Variants in PHACTR2 observed in about 807,000 individuals in gnomAD.
PHACTR2 encodes the protein phosphatase and actin regulator 2.
Under a neutral mutation model 76.0 loss-of-function variants are expected in PHACTR2, and 30 were observed. That is an observed-to-expected ratio of 0.39 (90% CI 0.30 to 0.54). The LOEUF (loss-of-function observed/expected upper bound fraction) is 0.54, where lower values mean the gene tolerates loss of function less well. PHACTR2 is among the 20% of genes least tolerant of loss of function. The pLI, the probability that PHACTR2 is intolerant of heterozygous loss-of-function variation, is 0.61. For missense variants in PHACTR2, 696 were observed against 781.1 expected (o/e 0.89, Z 1.30); for synonymous variants, 292 against 292.5 (o/e 1.00, Z 0.02).
chr6:143,564,461 T>C (rs1775334182), intron 1 of PHACTR2, among the ~76,000 whole-genome samples: 1 of 151,782 alleles, frequency 6.6e-6, no homozygotes, highest in Non-Finnish European at 1.5e-5. Flanking sequence ...TGGATTGGAG[T>C]CTGCTGTTAT....
rs10675688 is a variant in PHACTR2, at chr6:143,719,813, C to CTTTTT, written c.214+7645_214+7649dup. On this transcript the variant is annotated intron_variant, in intron 2 of 12. Coordinates refer to ENST00000440869, the MANE Select transcript of PHACTR2 (RefSeq NM_001100164.2). Reference sequence around the variant, plus strand: ...AGGGCTTCTTGCTTTGTGTTCGACACTTTTTTTTTTTTTTTTTTTGAGACA... The same window carrying CTTTTT: ...AGGGCTTCTTGCTTTGTGTTCGACACTTTTTTTTTTTTTTTTTTTTTTTTGAGACA... Among the ~76,000 whole-genome samples the CTTTTT allele has an allele frequency of 5.4e-4, 51 of 94,812 alleles. 3 individuals are homozygous for CTTTTT. The highest frequency in any genetic ancestry group is 6.2e-4 in the East Asian group (2 of 3,206). 62.2% of individuals were successfully genotyped at this position (94,812 alleles called of 152,430 possible).
At position 143,789,800 on chromosome 6, in the gene PHACTR2, A is replaced by G. The variant is rs1261477473; in HGVS notation, c.1845+890A>G. 6.6e-6 allele frequency among the ~76,000 whole-genome samples: 1 copy of G among 152,234 alleles called. No individual in the cohort carries two copies. The highest frequency in any genetic ancestry group is 2.4e-5 in the African/African-American group (1 of 41,460). On this transcript the variant is annotated intron_variant, in intron 11 of 12. Coordinates refer to ENST00000440869, the MANE Select transcript of PHACTR2 (RefSeq NM_001100164.2). The surrounding 1 kb of genome is among the most constrained non-coding windows in gnomAD (Gnocchi z 5.1). ...TATTTAAAATACCTGCTATGCATCA[A>G]GCATATACTGGAGATACAGATTCAG...
At chr6:143,574,473 A>C (rs9496676) in intron 1 of PHACTR2, among the ~76,000 whole-genome samples, 2 of 151,908 alleles carry the variant, frequency 1.3e-5, no homozygotes, top group Non-Finnish European at 2.9e-5. Flanking sequence ...AAGTGGGTTC[A>C]ATGTCTCTCA....
At chr6:143,744,125 T>C (rs9403528) in intron 2 of PHACTR2, among the ~76,000 whole-genome samples, 61,054 of 152,002 alleles carry the variant, frequency 0.4, 12,872 homozygotes, top group Non-Finnish European at 0.48. Flanking sequence ...AGCTCCCTTC[T>C]TCAGTGCATA....
rs2076505481 is a variant in PHACTR2 at position 143,821,580 on chromosome 6, A to C, written c.1923-2094A>C. Among the ~76,000 whole-genome samples the C allele has an allele frequency of 6.6e-6, 1 of 152,248 alleles. No individual in the cohort carries two copies. The highest frequency in any genetic ancestry group is 1.5e-5 in the Non-Finnish European group (1 of 68,046). ...TGTAAGCAATAACTGGCATAAGCCAAAGGTTATGGGAACACAGGAAAGAGA... is the reference window on the plus strand; with the variant it reads ...TGTAAGCAATAACTGGCATAAGCCACAGGTTATGGGAACACAGGAAAGAGA... On this transcript the variant is annotated intron_variant, in intron 12 of 12. Coordinates refer to ENST00000440869, the MANE Select transcript of PHACTR2 (RefSeq NM_001100164.2). This position sits in a 1 kb window ranked among gnomAD's most constrained non-coding sequence, Gnocchi z 5.2.
At position 143,695,635 on chromosome 6, in the gene PHACTR2, C is replaced by A. The variant is rs929075276; in HGVS notation, c.47-16381C>A. 6.6e-6 allele frequency among the ~76,000 whole-genome samples: 1 copy of A among 152,198 alleles called. No homozygotes were observed. Among genetic ancestry groups the A allele is most frequent in the Non-Finnish European group, 1.5e-5 (1 of 68,034 alleles). ...CTTTAAAAGGGAAGGGCAGAATAAA[C>A]AGAGGGCCCTTTGATAATGATTTCT... On this transcript the variant is annotated intron_variant, in intron 1 of 12. Coordinates refer to ENST00000440869, the MANE Select transcript of PHACTR2 (RefSeq NM_001100164.2). This position sits in a 1 kb window ranked among gnomAD's most constrained non-coding sequence, Gnocchi z 4.4.
intron 1 of PHACTR2, among the ~76,000 whole-genome samples, chr6:143,670,621 C>T (rs866670681): frequency 3.3e-5 from 5 of 152,046 alleles, no homozygotes; most frequent in African/African-American, 2.4e-5. Flanking sequence ...ATCCTTTCTT[C>T]TGCCTGATCA....
In PHACTR2 at chr6:143,625,499, AT is replaced by A. The variant is rs1776242146; in HGVS notation, c.13+17179del. Among the ~76,000 whole-genome samples the A allele has an allele frequency of 6.6e-6, 1 of 152,244 alleles. No individual in the cohort carries two copies. Among genetic ancestry groups the A allele is most frequent in the Non-Finnish European group, 1.5e-5 (1 of 68,034 alleles). Reference sequence around the variant, plus strand: ...AACATCAAAAAGGATAATAAATATTATTGATAACTTATCGAATAGGTAATTG... The same window carrying A: ...AACATCAAAAAGGATAATAAATATTATGATAACTTATCGAATAGGTAATTG... On this transcript the variant is annotated intron_variant, in intron 1 of 11. Transcript: ENST00000305766. The surrounding 1 kb of genome is among the most constrained non-coding windows in gnomAD (Gnocchi z 4.3).
intron 2 of PHACTR2, among the ~76,000 whole-genome samples, chr6:143,719,349 CTTTTTTTTTTTT>C (rs34643788): frequency 2.3e-5 from 2 of 86,916 alleles, no homozygotes; most frequent in African/African-American, 1.0e-4. Context: ...TTCGACACTT[CTTTTTTTTTTTT>C]TTTTTTTTTG....
In PHACTR2 at chr6:143,772,555, G is replaced by T. The variant is rs771707782; in HGVS notation, c.1432+98G>T. ...AAGCCTCATTAGGAACCAGACATCT[G>T]ATGTTTTCTTTCCCCTCATCCTCCT... On this transcript the variant is annotated intron_variant, in intron 7 of 12. Coordinates refer to ENST00000440869, the MANE Select transcript of PHACTR2 (RefSeq NM_001100164.2). This position sits in a 1 kb window ranked among gnomAD's most constrained non-coding sequence, Gnocchi z 5.4. The T allele has an allele frequency of 2.7e-5, 23 of 836,828 alleles. No homozygotes were observed. Among genetic ancestry groups the T allele is most frequent in the Non-Finnish European group, 4.2e-5 (22 of 519,724 alleles). The allele number at this position is 836,828 out of a possible 1,614,324, so 51.8% of individuals were successfully genotyped here. A position where few individuals can be genotyped will look rare whatever the true frequency, so the allele number is the denominator to read the frequency against.
intron 1 of PHACTR2, among the ~76,000 whole-genome samples, chr6:143,711,690 A>G (rs1395825089): frequency 6.6e-6 from 1 of 152,182 alleles, no homozygotes; most frequent in Admixed American, 6.5e-5. Context: ...AGAATACTCT[A>G]TTCCTGTACA....
intron 2 of PHACTR2, among the ~76,000 whole-genome samples, chr6:143,724,318 G>A (rs1778509034): frequency 6.6e-6 from 1 of 152,058 alleles, no homozygotes; most frequent in Non-Finnish European, 1.5e-5. Context: ...ATTTTTAGTA[G>A]AGACGGGGTT....
At position 143,703,116 on chromosome 6, in the gene PHACTR2, C is replaced by T. The variant is rs1265400977; in HGVS notation, c.47-8900C>T. The stretch of plus-strand genomic sequence containing the variant: ...TTGAGTCCAGGAGTTTGAGACCAGC[C>T]TGGACAACATGGTAAAACCCTGTCT... On this transcript the variant is annotated intron_variant, in intron 1 of 12. Coordinates refer to ENST00000440869, the MANE Select transcript of PHACTR2 (RefSeq NM_001100164.2). Among the ~76,000 whole-genome samples the T allele has an allele frequency of 2.1e-5, 3 of 144,906 alleles. No homozygotes were observed. The East Asian group carries it at 6.0e-4, about 29-fold the overall frequency.
In PHACTR2 at chr6:143,800,808, T is replaced by C. The variant is rs1183307410; in HGVS notation, c.1846-6249T>C. On this transcript the variant is annotated intron_variant, in intron 11 of 12. Coordinates refer to ENST00000440869, the MANE Select transcript of PHACTR2 (RefSeq NM_001100164.2). This position sits in a 1 kb window ranked among gnomAD's most constrained non-coding sequence, Gnocchi z 4.8. The stretch of plus-strand genomic sequence containing the variant: ...CCTAGCATCAGTGGTCTTTACAATT[T>C]GGCATGTTTTTGCAGTGGCTGGGAC... 6.6e-6 allele frequency among the ~76,000 whole-genome samples: 1 copy of C among 152,232 alleles called. No homozygotes were observed. Among genetic ancestry groups the C allele is most frequent in the Non-Finnish European group, 1.5e-5 (1 of 68,036 alleles).
rs1775697926 is a variant in PHACTR2 at position 143,791,790 on chromosome 6, T to C, written c.1845+2880T>C. ...TATGTTTAGAATGCATACATTTTCT[T>C]GATGAAACTTTGTTATATTTAAAAA... On this transcript the variant is annotated intron_variant, in intron 11 of 12. Coordinates refer to ENST00000440869, the MANE Select transcript of PHACTR2 (RefSeq NM_001100164.2). The surrounding 1 kb of genome is among the most constrained non-coding windows in gnomAD (Gnocchi z 4.7). 6.6e-6 allele frequency among the ~76,000 whole-genome samples: 1 copy of C among 152,226 alleles called. No homozygotes were observed. Among genetic ancestry groups the C allele is most frequent in the Non-Finnish European group, 1.5e-5 (1 of 68,034 alleles).
chr6:143,692,613 G>A (rs1169144743), intron 1 of PHACTR2, among the ~76,000 whole-genome samples: 7 of 152,170 alleles, frequency 4.6e-5, no homozygotes, highest in Non-Finnish European at 1.5e-5. Flanking sequence ...ACCACAGAAT[G>A]TCAGAACACA....
intron 2 of PHACTR2, among the ~76,000 whole-genome samples, chr6:143,727,552 T>C (rs1778601331): frequency 7.3e-6 from 1 of 137,058 alleles, no homozygotes; most frequent in African/African-American, 3.1e-5. Flanking sequence ...TTTTCTGTAA[T>C]GGCTGTACTA....
In PHACTR2 at chr6:143,787,858, G is replaced by C. The variant is rs777407533; in HGVS notation, c.1708-915G>C. On this transcript the variant is annotated intron_variant, in intron 10 of 12. Transcript: ENST00000440869. The surrounding 1 kb of genome is among the most constrained non-coding windows in gnomAD (Gnocchi z 4.6). ...TATAAGAGAGGAAATATATGAAAATGGGCCCTATGGCTACAATAGAGGTCT... is the reference window on the plus strand; with the variant it reads ...TATAAGAGAGGAAATATATGAAAATCGGCCCTATGGCTACAATAGAGGTCT... Among the ~76,000 whole-genome samples the C allele has an allele frequency of 1.3e-5, 2 of 152,076 alleles. No individual in the cohort carries two copies. Among genetic ancestry groups the C allele is most frequent in the South Asian group, 4.2e-4 (2 of 4,810 alleles).
chr6:143,692,561 A>C (rs1777670665), intron 1 of PHACTR2, among the ~76,000 whole-genome samples: 1 of 152,224 alleles, frequency 6.6e-6, no homozygotes. Context: ...AAGAATTTAG[A>C]ACTGTACACT....
Sources: allele counts gnomAD v4.1 joint callset (sites outside exome capture counted in the v4.1 genomes callset), GRCh38; gene constraint gnomAD v4.1.1; non-coding constraint Gnocchi (gnomAD v3.1); transcripts MANE v1.5; gene names NCBI Gene and HGNC (gene_info 2026-07-23, HGNC 2026-07-21).